The following ZC3H12B variants were observed in gnomAD, a reference collection of about 807,000 sequenced individuals.
The protein encoded by ZC3H12B is zinc finger CCCH-type containing 12B.
In ZC3H12B, 7 loss-of-function variants were observed where a neutral mutation model predicts 43.9. The observed-to-expected ratio is 0.16, with a 90% CI of 0.09 to 0.30. The LOEUF (loss-of-function observed/expected upper bound fraction) is 0.30, where lower values mean the gene tolerates loss of function less well. ZC3H12B is among the 10% of genes least tolerant of loss of function. The pLI is 1.00. For missense variants in ZC3H12B, 475 were observed against 670.2 expected (o/e 0.71, Z 3.22); for synonymous variants, 222 against 241.7 (o/e 0.92, Z 0.76).
intron 3 of ZC3H12B, among the ~76,000 whole-genome samples, chrX:65,424,095 C>A (rs185172624): frequency 1.8e-5 from 2 of 111,887 alleles, no homozygotes; most frequent in African/African-American, 3.2e-5. Flanking sequence ...GTTGAACCAA[C>A]CCTGCATCCC....
the ZC3H12B span, among the ~76,000 whole-genome samples, chrX:65,060,559 C>T: frequency 8.9e-6 from 1 of 112,013 alleles, no homozygotes; most frequent in Non-Finnish European, 1.9e-5. Context: ...CCCACTTGCT[C>T]ATGATGAATG....
At chrX:65,133,429 G>T in the ZC3H12B span, among the ~76,000 whole-genome samples, 1 of 109,786 alleles carries the variant, frequency 9.1e-6, no homozygotes, top group Non-Finnish European at 1.9e-5. Context: ...GCGTCTAAGG[G>T]TTGTTGCCAA....
the ZC3H12B span, among the ~76,000 whole-genome samples, chrX:65,066,520 C>T: frequency 5.0e-4 from 56 of 111,562 alleles, no homozygotes; most frequent in African/African-American, 1.8e-3. Context: ...GAAGCTTCCT[C>T]CCAGAGGTGC....
the ZC3H12B span, among the ~76,000 whole-genome samples, chrX:65,223,173 G>T: frequency 9.0e-6 from 1 of 111,554 alleles, no homozygotes; most frequent in Non-Finnish European, 1.9e-5. Flanking sequence ...TGGGTAATTG[G>T]CAAGCCACAG....
At chrX:65,041,104 T>A in the ZC3H12B span, among the ~76,000 whole-genome samples, 1 of 112,640 alleles carries the variant, frequency 8.9e-6, no homozygotes, top group Non-Finnish European at 1.9e-5. Context: ...GTAGTTTTAA[T>A]ATCCTTTCTA....
chrX:65,169,993 C>T, the ZC3H12B span, among the ~76,000 whole-genome samples: 3 of 111,862 alleles, frequency 2.7e-5, no homozygotes, highest in South Asian at 3.7e-4. Context: ...ATCCAATTTG[C>T]CAGTCTGTGT....
the ZC3H12B span, among the ~76,000 whole-genome samples, chrX:65,079,908 G>C: frequency 4.5e-5 from 5 of 111,118 alleles, no homozygotes; most frequent in Non-Finnish European, 9.4e-5. Flanking sequence ...CCAATAAACA[G>C]AGATATATGA....
the ZC3H12B span, among the ~76,000 whole-genome samples, chrX:65,285,025 C>A: frequency 7.1e-4 from 78 of 110,337 alleles, no homozygotes; most frequent in African/African-American, 2.4e-3. Flanking sequence ...ATTGCTATCA[C>A]CTAGGTCAAA....
the ZC3H12B span, among the ~76,000 whole-genome samples, chrX:65,242,003 G>A: frequency 5.9e-4 from 66 of 111,591 alleles, no homozygotes; most frequent in Middle Eastern, 4.6e-3. Context: ...ATGGGTTCAC[G>A]AAGGGATCTC....
chrX:65,230,675 A>T, the ZC3H12B span, among the ~76,000 whole-genome samples: 1 of 110,370 alleles, frequency 9.1e-6, no homozygotes, highest in African/African-American at 3.3e-5. Context: ...CCTAAATATT[A>T]TATTCAGCGT....
chrX:65,183,036 C>T, the ZC3H12B span, among the ~76,000 whole-genome samples: 1 of 111,746 alleles, frequency 8.9e-6, no homozygotes, highest in African/African-American at 3.2e-5. Context: ...GAACTTAAAA[C>T]AGAATTGCCA....
chrX:65,246,938 G>A, the ZC3H12B span, among the ~76,000 whole-genome samples: 9 of 112,513 alleles, frequency 8.0e-5, no homozygotes, highest in East Asian at 2.8e-4. Context: ...CTTCTGCACA[G>A]CAAAATAAAC....
At chrX:65,284,887 T>G in the ZC3H12B span, among the ~76,000 whole-genome samples, 1 of 111,598 alleles carries the variant, frequency 9.0e-6, no homozygotes, top group Non-Finnish European at 1.9e-5. Flanking sequence ...GATGAAACCA[T>G]GTAGAAGAAA....
chrX:65,308,337 C>T, the ZC3H12B span, among the ~76,000 whole-genome samples: 1 of 110,562 alleles, frequency 9.0e-6, no homozygotes, highest in Non-Finnish European at 1.9e-5. Flanking sequence ...GCAGGGGTTG[C>T]AAGCCTGGGC....
chrX:65,225,584 A>G, the ZC3H12B span, among the ~76,000 whole-genome samples: 39 of 112,492 alleles, frequency 3.5e-4, no homozygotes, highest in African/African-American at 1.1e-3. Flanking sequence ...TCCAAGCTAC[A>G]GAAGGAAATT....
the ZC3H12B span, among the ~76,000 whole-genome samples, chrX:65,072,582 ATGACCT>A: frequency 4.5e-5 from 5 of 111,189 alleles, no homozygotes; most frequent in Non-Finnish European, 9.4e-5. Context: ...ATCCCATTTG[ATGACCT>A]TGATAGTTTG....
exon 5 of ZC3H12B, chrX:65,506,610 T>A (rs2068427907): frequency 8.9e-6 from 1 of 112,312 alleles, no homozygotes; most frequent in South Asian, 3.7e-4. Flanking sequence ...AGGTGCTTTG[T>A]AATTTTAATT....
At chrX:65,169,161 G>A in the ZC3H12B span, among the ~76,000 whole-genome samples, 86 of 111,504 alleles carry the variant, frequency 7.7e-4, no homozygotes, top group Middle Eastern at 0.014. Context: ...GCTTTCTCTC[G>A]TGGTCATTTA....
At chrX:65,083,815 A>C in the ZC3H12B span, among the ~76,000 whole-genome samples, 6 of 111,880 alleles carry the variant, frequency 5.4e-5, no homozygotes, top group Non-Finnish European at 1.1e-4. Flanking sequence ...TAAGCAAAAA[A>C]CAGAAAACTA....
Sources: allele counts gnomAD v4.1 joint callset (sites outside exome capture counted in the v4.1 genomes callset), GRCh38; gene constraint gnomAD v4.1.1; transcripts MANE v1.5; gene names NCBI Gene and HGNC (gene_info 2026-07-23, HGNC 2026-07-21).